Variants in HSD11B1 observed in about 807,000 individuals in gnomAD.
The protein encoded by HSD11B1 is hydroxysteroid 11-beta dehydrogenase 1, also known as 11-beta-hydroxysteroid dehydrogenase 1.
Under a neutral mutation model 22.1 loss-of-function variants are expected in HSD11B1, and 15 were observed. The ratio of observed to expected loss-of-function variants is 0.68; its 90% CI spans 0.45 to 1.04. The LOEUF (loss-of-function observed/expected upper bound fraction) is 1.04. Among genes scored for constraint, HSD11B1 ranks in the 50% least tolerant of loss-of-function variants. HSD11B1 has a pLI of 0.00. For missense variants in HSD11B1, 281 were observed against 357.6 expected (o/e 0.79, Z 1.73); for synonymous variants, 122 against 125.2 (o/e 0.97, Z 0.17).
At chr1:209,688,451 C>T (rs2076740709) in intron 1 of HSD11B1, among the ~76,000 whole-genome samples, 1 of 152,174 alleles carries the variant, frequency 6.6e-6, no homozygotes, top group Non-Finnish European at 1.5e-5. Flanking sequence ...ACTTCAAACT[C>T]CTTGAAAGCA....
intron 4 of HSD11B1, among the ~76,000 whole-genome samples, chr1:209,715,750 A>G (rs2076925916): frequency 6.6e-6 from 1 of 152,266 alleles, no homozygotes; most frequent in African/African-American, 2.4e-5. Flanking sequence ...TGGAAAGCCA[A>G]CTGATATGAA....
In HSD11B1 at chr1:209,707,020, C is replaced by A; in HGVS notation, c.409C>A (p.Arg137Ser). 1.2e-6 allele frequency: 2 copies of A among 1,613,864 alleles called. No individual in the cohort carries two copies. Among genetic ancestry groups the A allele is most frequent in the South Asian group, 1.1e-5 (1 of 91,072 alleles). ...NLFHDDIHHV[R>S]KSMEVNFLSY... is the part of the protein sequence containing the mutation. ...TTTTCATGATGATATTCACCATGTGCGCAAAAGCATGGAAGTCAACTTCCT... is the reference window on the plus strand; with the variant it reads ...TTTTCATGATGATATTCACCATGTGAGCAAAAGCATGGAAGTCAACTTCCT... The change falls in exon 4 of 6, where the codon CGC becomes AGC. Residue 137 changes from arginine (R) to serine (S), a missense_variant. By Grantham distance (110) the Arg-to-Ser change is moderately radical (BLOSUM62 -1). Coordinates refer to ENST00000367027, the MANE Select transcript of HSD11B1 (RefSeq NM_005525.4).
chr1:209,705,768 G>C (rs1350515944), intron 1 of HSD11B1, 43 bp from the exon 2 acceptor site: 9 of 1,611,314 alleles, frequency 5.6e-6, no homozygotes, highest in Non-Finnish European at 7.6e-6. Context: ...GAATTTTGCT[G>C]CCAACTTGGG....
At chr1:209,707,595 T>C (rs981244574) in intron 4 of HSD11B1, among the ~76,000 whole-genome samples, 4 of 151,024 alleles carry the variant, frequency 2.6e-5, no homozygotes, top group African/African-American at 7.3e-5. Flanking sequence ...AGTGACACCA[T>C]AAAAAATGAA....
At chr1:209,714,724 T>G (rs1013780154) in intron 4 of HSD11B1, among the ~76,000 whole-genome samples, 1 of 152,170 alleles carries the variant, frequency 6.6e-6, no homozygotes, top group Non-Finnish European at 1.5e-5. Context: ...TAATTCAATC[T>G]AAAAGCCACT....
intron 4 of HSD11B1, among the ~76,000 whole-genome samples, chr1:209,720,374 G>C (rs555625171): frequency 6.6e-6 from 1 of 152,010 alleles, no homozygotes; most frequent in Non-Finnish European, 1.5e-5. Flanking sequence ...TCCAAACTGA[G>C]GGACATCCAT....
chr1:209,693,849 T>G (rs549310051), intron 1 of HSD11B1, among the ~76,000 whole-genome samples: 1 of 152,310 alleles, frequency 6.6e-6, no homozygotes, highest in African/African-American at 2.4e-5. Flanking sequence ...ACTCTTCAAC[T>G]CACAGCATTT....
intron 4 of HSD11B1, among the ~76,000 whole-genome samples, chr1:209,717,886 A>G (rs932449596): frequency 6.6e-6 from 1 of 151,780 alleles, no homozygotes. Context: ...AAAAAAAAAA[A>G]AAAAAAAGGA....
Position 209,721,478 on chromosome 1 carries a change from A to AG in HSD11B1, c.518-10958_518-10957insG, listed in dbSNP as rs1295300495. On this transcript the variant is annotated intron_variant, in intron 4 of 5. Coordinates refer to ENST00000367027, the MANE Select transcript of HSD11B1 (RefSeq NM_005525.4). ...GAAATTATTTCAAAAGCAAAAAAAA[A>AG]AAAAAAAAATCCCCATCCTGGGAGT... is the stretch of plus-strand genomic sequence containing the variant. 1.7e-4 allele frequency among the ~76,000 whole-genome samples: 24 copies of AG among 141,020 alleles called. No individual in the cohort carries two copies. The East Asian group carries it at 6.6e-3, about 39-fold the overall frequency. 92.5% of individuals were successfully genotyped at this position (141,020 alleles called of 152,430 possible).
upstream of HSD11B1, among the ~76,000 whole-genome samples, chr1:209,703,527 C>G (rs987235627): frequency 6.6e-6 from 1 of 152,170 alleles, no homozygotes; most frequent in African/African-American, 2.4e-5. Context: ...TCTCAAATCT[C>G]CATTGTTTTC....
chr1:209,726,278 A>T (rs1338511073), intron 4 of HSD11B1, among the ~76,000 whole-genome samples: 1 of 448 alleles, frequency 2.2e-3, no homozygotes, highest in Admixed American at 0.029. Flanking sequence ...AGACTCCGTA[A>T]AAAAAAAAAA....
chr1:209,712,018 A>C (rs2076900934), intron 4 of HSD11B1, among the ~76,000 whole-genome samples: 1 of 152,188 alleles, frequency 6.6e-6, no homozygotes, highest in Non-Finnish European at 1.5e-5. Context: ...GCTAGACCAC[A>C]GGTTTCATTC....
intron 1 of HSD11B1, among the ~76,000 whole-genome samples, chr1:209,691,364 GGTCTCA>G (rs1225234083): frequency 1.3e-5 from 2 of 152,114 alleles, no homozygotes; most frequent in Admixed American, 1.3e-4. Flanking sequence ...CTGCATACAA[GGTCTCA>G]AAACATTTCC....
chr1:209,703,046 G>C (rs1215718969), upstream of HSD11B1, among the ~76,000 whole-genome samples: 1 of 152,092 alleles, frequency 6.6e-6, no homozygotes, highest in Non-Finnish European at 1.5e-5. Context: ...TTTTTTAATG[G>C]AGCCAACAAT....
chr1:209,704,234 C>T (rs562390031), upstream of HSD11B1, among the ~76,000 whole-genome samples: 1 of 152,248 alleles, frequency 6.6e-6, no homozygotes, highest in South Asian at 2.1e-4. Context: ...ATCCATTGCA[C>T]TTGCCTTAGA....
chr1:209,701,216 G>T (rs1163074455), upstream of HSD11B1, among the ~76,000 whole-genome samples: 1 of 152,150 alleles, frequency 6.6e-6, no homozygotes, highest in East Asian at 1.9e-4. Context: ...ATCAAAGAGA[G>T]GTTTAATTGG....
chr1:209,696,572 G>A (rs1047946893), intron 1 of HSD11B1, among the ~76,000 whole-genome samples: 1 of 151,962 alleles, frequency 6.6e-6, no homozygotes, highest in Non-Finnish European at 1.5e-5. Flanking sequence ...AATTACGCAG[G>A]GAATACAGAC....
chr1:209,721,137 C>A (rs2076962836), intron 4 of HSD11B1, among the ~76,000 whole-genome samples: 1 of 152,176 alleles, frequency 6.6e-6, no homozygotes, highest in African/African-American at 2.4e-5. Context: ...GGGGGGAATG[C>A]GGCCCTGCCA....
At chr1:209,728,067 T>C (rs1484284432) in intron 4 of HSD11B1, among the ~76,000 whole-genome samples, 2 of 152,246 alleles carry the variant, frequency 1.3e-5, no homozygotes, top group Non-Finnish European at 2.9e-5. Flanking sequence ...AGGAAGTCCA[T>C]GGCAAGCATT....
Sources: allele counts gnomAD v4.1 joint callset (sites outside exome capture counted in the v4.1 genomes callset), GRCh38; gene constraint gnomAD v4.1.1; transcripts MANE v1.5; gene names NCBI Gene and HGNC (gene_info 2026-07-23, HGNC 2026-07-21).